The following PSD3 variants were observed in gnomAD, a reference collection of about 807,000 sequenced individuals.
PSD3 encodes pleckstrin and Sec7 domain containing 3.
Under a neutral mutation model 105.5 loss-of-function variants are expected in PSD3, and 49 were observed. That is an observed-to-expected ratio of 0.46 (90% CI 0.37 to 0.59). The LOEUF (loss-of-function observed/expected upper bound fraction) is 0.59, where lower values mean the gene tolerates loss of function less well. Among genes scored for constraint, PSD3 ranks in the 20% least tolerant of loss-of-function variants. The pLI is 0.00. For missense variants in PSD3, 1,561 were observed against 1,263.8 expected (o/e 1.24, Z -3.57); for synonymous variants, 557 against 457.8 (o/e 1.22, Z -2.77).
At chr8:18,793,637 TA>T (rs747316941) in intron 8 of PSD3, among the ~76,000 whole-genome samples, 2 of 152,166 alleles carry the variant, frequency 1.3e-5, no homozygotes, top group Non-Finnish European at 2.9e-5. Context: ...GGATGGAATC[TA>T]CAGCAGGGGA....
intron 12 of PSD3, among the ~76,000 whole-genome samples, chr8:18,582,974 C>T (rs1175377114): frequency 3.3e-5 from 5 of 152,026 alleles, no homozygotes; most frequent in African/African-American, 7.2e-5. Flanking sequence ...TTTACAGGCA[C>T]GTGCCACCAC....
intron 15 of PSD3, among the ~76,000 whole-genome samples, chr8:18,541,752 C>CT (rs111558567): frequency 1.8e-3 from 249 of 141,422 alleles, no homozygotes; most frequent in East Asian, 1.9e-3. Context: ...TTCTGAGAAT[C>CT]TTTTTTTTTT....
chr8:18,864,426 T>A (rs1255207712), intron 4 of PSD3, among the ~76,000 whole-genome samples: 2 of 152,210 alleles, frequency 1.3e-5, no homozygotes, highest in East Asian at 1.9e-4. Flanking sequence ...ATGGGCCACA[T>A]ATGACACACA....
intron 9 of PSD3, among the ~76,000 whole-genome samples, chr8:18,693,399 A>G (rs1000491707): frequency 1.3e-5 from 2 of 152,214 alleles, no homozygotes; most frequent in African/African-American, 4.8e-5. Flanking sequence ...TGGCTTTGTC[A>G]TTGACTGGTC....
At chr8:18,912,524 T>C (rs1213516141) in intron 2 of PSD3, among the ~76,000 whole-genome samples, 1 of 152,226 alleles carries the variant, frequency 6.6e-6, no homozygotes, top group Non-Finnish European at 1.5e-5. Context: ...ATCTTTAATT[T>C]AGATATCTTT....
chr8:18,748,861 G>C (rs547055321), intron 9 of PSD3, among the ~76,000 whole-genome samples: 9 of 152,254 alleles, frequency 5.9e-5, no homozygotes, highest in African/African-American at 2.2e-4. Context: ...ACAGAGGTAA[G>C]CCCTGTGGGG....
At chr8:18,708,703 C>G (rs1802049821) in intron 9 of PSD3, among the ~76,000 whole-genome samples, 4 of 152,076 alleles carry the variant, frequency 2.6e-5, no homozygotes, top group Admixed American at 6.6e-5. Flanking sequence ...AGATGGCCTA[C>G]TAGAAGCAGC....
At position 18,867,759 on chromosome 8, in the gene PSD3, A is replaced by G; in HGVS notation, c.1549T>C (p.Tyr517His). 6.2e-7 allele frequency: 1 copy of G among 1,614,126 alleles called. No homozygotes were observed. Among genetic ancestry groups the G allele is most frequent in the Non-Finnish European group, 8.5e-7 (1 of 1,179,996 alleles). ...VSADGGIVMGYSSGVTNGLND... is the reference protein window; with the variant it reads ...VSADGGIVMGHSSGVTNGLND... Reference sequence around the variant, plus strand: ...AGCCCATTGGTGACGCCACTAGAATAGCCCATCACGATGCCACCATCTGCA... The same window carrying G: ...AGCCCATTGGTGACGCCACTAGAATGGCCCATCACGATGCCACCATCTGCA... Residue 517 changes from tyrosine to histidine, a missense_variant, in exon 4 of 16, where the codon TAT becomes CAT. By Grantham distance (83) the Tyr-to-His change is moderately conservative (BLOSUM62 2). Transcript: ENST00000327040.
At chr8:18,856,489 T>C (rs975871477) in intron 4 of PSD3, among the ~76,000 whole-genome samples, 6 of 152,222 alleles carry the variant, frequency 3.9e-5, no homozygotes, top group Non-Finnish European at 7.3e-5. Flanking sequence ...CTATTAATAC[T>C]ACGTGCTGAA....
At chr8:18,952,574 T>C (rs1234503014) in intron 1 of PSD3, among the ~76,000 whole-genome samples, 1 of 152,232 alleles carries the variant, frequency 6.6e-6, no homozygotes, top group African/African-American at 2.4e-5. Flanking sequence ...TGTGAGAGAC[T>C]GATAACAAAT....
chr8:18,939,530 T>C (rs1008035337), intron 1 of PSD3, among the ~76,000 whole-genome samples: 2 of 151,220 alleles, frequency 1.3e-5, no homozygotes, highest in African/African-American at 4.9e-5. Flanking sequence ...TTTTTTTTTT[T>C]AGAGATGGGA....
intron 4 of PSD3, among the ~76,000 whole-genome samples, chr8:18,842,473 C>G (rs574644429): frequency 1.4e-3 from 210 of 152,346 alleles, no homozygotes; most frequent in African/African-American, 4.5e-3. Flanking sequence ...GTGGCTCACG[C>G]CTGTAATCCC....
chr8:18,811,192 T>C (rs1811650090), intron 4 of PSD3, among the ~76,000 whole-genome samples: 1 of 152,170 alleles, frequency 6.6e-6, no homozygotes, highest in Non-Finnish European at 1.5e-5. Flanking sequence ...TTGTCAGTCT[T>C]ATGAAACAGG....
At chr8:18,657,052 G>A (rs950084638) in intron 9 of PSD3, among the ~76,000 whole-genome samples, 4 of 152,148 alleles carry the variant, frequency 2.6e-5, no homozygotes, top group African/African-American at 4.8e-5. Context: ...ATTAGAACTT[G>A]AAGGCTTAGC....
At chr8:19,023,611 T>A (rs1190312464) in intron 1 of PSD3, among the ~76,000 whole-genome samples, 1 of 151,818 alleles carries the variant, frequency 6.6e-6, no homozygotes, top group African/African-American at 2.4e-5. Context: ...ATTATTTTAA[T>A]TTTTTTGTAG....
intron 9 of PSD3, among the ~76,000 whole-genome samples, chr8:18,701,605 T>C (rs1425916655): frequency 3.3e-5 from 5 of 152,318 alleles, no homozygotes; most frequent in Admixed American, 2.6e-4. Flanking sequence ...TCTTCCATTG[T>C]TGAAGGAAAC....
intron 10 of PSD3, among the ~76,000 whole-genome samples, chr8:18,639,361 T>C (rs1807483733): frequency 6.6e-6 from 1 of 152,176 alleles, no homozygotes; most frequent in African/African-American, 2.4e-5. Flanking sequence ...TTATGGAATG[T>C]TTCCCTAAGA....
chr8:18,729,146 A>G (rs147379189), intron 9 of PSD3, among the ~76,000 whole-genome samples: 3 of 152,336 alleles, frequency 2.0e-5, no homozygotes, highest in South Asian at 2.1e-4. Flanking sequence ...TTCATCAACT[A>G]TAAGAACCTT....
At chr8:18,923,244 C>T (rs184671631) in intron 2 of PSD3, among the ~76,000 whole-genome samples, 1 of 152,248 alleles carries the variant, frequency 6.6e-6, no homozygotes, top group African/African-American at 2.4e-5. Flanking sequence ...TTGTGTTGTG[C>T]CACATTCAAA....
Sources: gnomAD v4.1 joint callset for allele counts (sites outside exome capture counted in the v4.1 genomes callset) on GRCh38, gnomAD v4.1.1 for gene constraint, MANE v1.5 for transcripts, NCBI Gene and HGNC (gene_info 2026-07-23, HGNC 2026-07-21) for gene names.